The following RNGTT variants were observed in gnomAD, a reference collection of about 807,000 sequenced individuals.
RNGTT encodes the protein mRNA-capping enzyme.
RNGTT carries 33 observed loss-of-function variants against 79.3 expected under a neutral mutation model. That is an observed-to-expected ratio of 0.42 (90% confidence interval 0.32 to 0.56). RNGTT has a LOEUF of 0.56. RNGTT is among the 20% of genes least tolerant of loss of function. RNGTT has a pLI of 0.17. For synonymous variants in RNGTT, 222 were observed against 235.9 expected (o/e 0.94, Z 0.54); for missense variants, 497 against 739.1 (o/e 0.67, Z 3.80).
chr6:88,824,748 CTTTTT>C (rs59203172), intron 11 of RNGTT, among the ~76,000 whole-genome samples: 1 of 135,866 alleles, frequency 7.4e-6, no homozygotes, highest in Non-Finnish European at 1.6e-5. Flanking sequence ...CGTTTGTTTT[CTTTTT>C]TTTTTTTTTT....
intron 13 of RNGTT, among the ~76,000 whole-genome samples, chr6:88,725,283 C>T (rs991372601): frequency 7.9e-5 from 12 of 152,134 alleles, no homozygotes; most frequent in Non-Finnish European, 1.0e-4. Context: ...TGGAAAGAAA[C>T]TGGCCAGAAA....
intron 10 of RNGTT, among the ~76,000 whole-genome samples, chr6:88,844,888 G>GGCTA (rs1781436974): frequency 6.6e-6 from 1 of 151,928 alleles, no homozygotes; most frequent in South Asian, 2.1e-4. Context: ...AGGAGTTTGA[G>GGCTA]GCTAGCCTGG....
intron 13 of RNGTT, among the ~76,000 whole-genome samples, chr6:88,705,627 G>A (rs1327963718): frequency 2.0e-5 from 3 of 152,012 alleles, no homozygotes; most frequent in African/African-American, 4.8e-5. Flanking sequence ...AGAAACCAGA[G>A]GTATTCATGC....
In RNGTT at chr6:88,610,989, T is replaced by G. The variant is rs2127843678; in HGVS notation, c.*1730A>C. The G allele has an allele frequency of 6.6e-6, 1 of 152,292 alleles. No individual in the cohort carries two copies. The highest frequency in any genetic ancestry group is 1.9e-4 in the East Asian group (1 of 5,186). The allele number at this position is 152,292 out of a possible 1,614,324, so 9.4% of individuals were successfully genotyped here. A position where few individuals can be genotyped will look rare whatever the true frequency, so the allele number is the denominator to read the frequency against. ...ATTTTGTAAAAGATACTATGGAACC[T>G]TGAGAATTTTCCCTCCTTCAATAGT... On this transcript the variant is annotated 3_prime_UTR_variant, in exon 16 of 16. Transcript: ENST00000369485.
intron 13 of RNGTT, among the ~76,000 whole-genome samples, chr6:88,731,606 C>G (rs770356184): frequency 1.3e-5 from 2 of 152,054 alleles, no homozygotes; most frequent in African/African-American, 2.4e-5. Flanking sequence ...AATAAACAAA[C>G]TGGACTTCAC....
intron 14 of RNGTT, among the ~76,000 whole-genome samples, chr6:88,662,294 A>G (rs989413070): frequency 6.6e-6 from 1 of 152,202 alleles, no homozygotes; most frequent in Non-Finnish European, 1.5e-5. Flanking sequence ...CTCCTGACCT[A>G]ACCGCTTGTG....
At chr6:88,780,640 A>AAC (rs951759078) in intron 12 of RNGTT, among the ~76,000 whole-genome samples, 1 of 152,144 alleles carries the variant, frequency 6.6e-6, no homozygotes, top group African/African-American at 2.4e-5. Context: ...GTCAAAAAAA[A>AAC]ACTGGGGATA....
chr6:88,708,228 A>C (rs1776205016), intron 13 of RNGTT, among the ~76,000 whole-genome samples: 1 of 152,078 alleles, frequency 6.6e-6, no homozygotes, highest in African/African-American at 2.4e-5. Flanking sequence ...CCAATCTTCA[A>C]GGGCTCTCTT....
At chr6:88,810,418 G>A (rs1780098777) in intron 11 of RNGTT, among the ~76,000 whole-genome samples, 1 of 152,136 alleles carries the variant, frequency 6.6e-6, no homozygotes. Flanking sequence ...TCGCTGAGAT[G>A]AAAATTTCAA....
intron 4 of RNGTT, among the ~76,000 whole-genome samples, chr6:88,907,158 T>G (rs550178091): frequency 6.6e-6 from 1 of 152,348 alleles, no homozygotes; most frequent in South Asian, 2.1e-4. Context: ...TCTTAAACTC[T>G]TTCTCAGAAC....
chr6:88,822,605 A>G (rs1442986103), intron 11 of RNGTT, among the ~76,000 whole-genome samples: 1 of 152,170 alleles, frequency 6.6e-6, no homozygotes, highest in Admixed American at 6.5e-5. Context: ...AAAACAGACA[A>G]CTACAAAATC....
In RNGTT at chr6:88,707,118, T is replaced by G. The variant is rs1169114859; in HGVS notation, c.1440-28699A>C. On this transcript the variant is annotated intron_variant, in intron 13 of 15. Coordinates refer to ENST00000369485, the MANE Select transcript of RNGTT (RefSeq NM_003800.5). ...GTCAAGCAATTTATAAGCAAAACAC[T>G]AATAATCATTTACATTTTATTGTAT... 2.6e-5 allele frequency among the ~76,000 whole-genome samples: 4 copies of G among 152,170 alleles called. No individual in the cohort carries two copies. In the East Asian group the frequency reaches 7.7e-4, roughly 29 times the overall value.
intron 8 of RNGTT, among the ~76,000 whole-genome samples, chr6:88,876,268 C>A (rs1196721484): frequency 2.0e-5 from 3 of 152,176 alleles, no homozygotes; most frequent in Admixed American, 2.0e-4. Context: ...GTGGCTCAGG[C>A]CTGTAATCCC....
rs1290159717 is a variant in RNGTT, at chr6:88,612,888, G to C, written c.1631-6C>G. On this transcript the variant is annotated splice_polypyrimidine_tract_variant and splice_region_variant and intron_variant, in intron 15 of 15. Transcript: ENST00000369485. ...TGAGATGCTGTTACACACAGCTGTGGACAAAGGGAGACAGGTCTCATGTGA... is the reference window on the plus strand; with the variant it reads ...TGAGATGCTGTTACACACAGCTGTGCACAAAGGGAGACAGGTCTCATGTGA... 3 of 1,612,228 alleles carry C rather than the reference G, an allele frequency of 1.9e-6. No homozygotes were observed. In the South Asian group the frequency reaches 3.3e-5, roughly 18 times the overall value.
At chr6:88,887,461 C>T (rs1471647386) in intron 8 of RNGTT, among the ~76,000 whole-genome samples, 1 of 152,154 alleles carries the variant, frequency 6.6e-6, no homozygotes, top group Non-Finnish European at 1.5e-5. Flanking sequence ...AGATTTTACA[C>T]TGGCCCAGAA....
intron 11 of RNGTT, among the ~76,000 whole-genome samples, chr6:88,827,731 C>T (rs1475663219): frequency 6.6e-6 from 1 of 152,106 alleles, no homozygotes; most frequent in Non-Finnish European, 1.5e-5. Context: ...ATTACCAAGG[C>T]GTGAGTAGGT....
intron 8 of RNGTT, among the ~76,000 whole-genome samples, chr6:88,861,769 C>T (rs908691220): frequency 6.6e-6 from 1 of 152,116 alleles, no homozygotes; most frequent in African/African-American, 2.4e-5. Context: ...ATATAATAGT[C>T]TCTATCTCCT....
chr6:88,638,845 C>T (rs974570247), intron 14 of RNGTT, among the ~76,000 whole-genome samples: 3 of 152,086 alleles, frequency 2.0e-5, no homozygotes, highest in African/African-American at 7.2e-5. Flanking sequence ...ATTTGCCACA[C>T]AATAACTGTT....
At chr6:88,716,856 T>C (rs1026898298) in intron 13 of RNGTT, among the ~76,000 whole-genome samples, 8 of 152,134 alleles carry the variant, frequency 5.3e-5, no homozygotes, top group African/African-American at 9.7e-5. Context: ...TTAGGAGATA[T>C]ACCTAATGTT....
Sources: allele counts gnomAD v4.1 joint callset (sites outside exome capture counted in the v4.1 genomes callset), GRCh38; gene constraint gnomAD v4.1.1; transcripts MANE v1.5; gene names NCBI Gene and HGNC (gene_info 2026-07-23, HGNC 2026-07-21).